The following CREBBP variants were observed in gnomAD, a reference collection of about 807,000 sequenced individuals.
CREBBP encodes CREB-binding protein.
Under a neutral mutation model 265.0 loss-of-function variants are expected in CREBBP, and 19 were observed. That is an observed-to-expected ratio of 0.07 (90% CI 0.05 to 0.11). The LOEUF (loss-of-function observed/expected upper bound fraction) is 0.11, where lower values mean the gene tolerates loss of function less well. Ranked by LOEUF, CREBBP falls within the 10% of genes least tolerant of loss-of-function variation. CREBBP has a pLI of 1.00. For synonymous variants in CREBBP, 1,457 were observed against 1,223.7 expected (o/e 1.19, Z -3.98); for missense variants, 2,525 against 3,219.0 (o/e 0.78, Z 5.22).
intron 10 of CREBBP, 131 bp from the exon 11 acceptor site, chr16:3,777,788 C>A: frequency 8.5e-7 from 1 of 1,169,600 alleles, no homozygotes; most frequent in Non-Finnish European, 1.3e-6. Flanking sequence ...TCCAAAAGCA[C>A]GTGTGTTCCA....
At chr16:3,742,071 ACT>A (rs1249276455) in intron 23 of CREBBP, 4 of 151,418 alleles carry the variant, frequency 2.6e-5, no homozygotes, top group African/African-American at 9.7e-5. Flanking sequence ...ACAGAGCGAG[ACT>A]CTGTCTGCAC....
At chr16:3,823,690 G>A (rs1257419254) in intron 2 of CREBBP, among the ~76,000 whole-genome samples, 1 of 152,164 alleles carries the variant, frequency 6.6e-6, no homozygotes, top group African/African-American at 2.4e-5. Flanking sequence ...AGTTTAGGCA[G>A]CAAGGGATGC....
intron 21 of CREBBP, among the ~76,000 whole-genome samples, chr16:3,747,406 C>A (rs572843108): frequency 6.6e-6 from 1 of 152,226 alleles, no homozygotes; most frequent in Non-Finnish European, 1.5e-5. Flanking sequence ...TTCTTTCATG[C>A]CTTTGTTTCT....
rs894884150 is a variant in CREBBP, at chr16:3,757,478, G to A, written c.3610-102C>T. ...AGAGACTAGTAAATTATTTCTGTTA[G>A]TATATTAGACAGTTTTCTAACAATT... On this transcript the variant is annotated intron_variant, in intron 18 of 30. Coordinates refer to ENST00000262367, the MANE Select transcript of CREBBP (RefSeq NM_004380.3). The A allele has an allele frequency of 1.5e-5, 16 of 1,070,292 alleles. No homozygotes were observed. The African/African-American group carries it at 2.5e-4, about 17-fold the overall frequency. The allele number at this position is 1,070,292 out of a possible 1,614,324, so 66.3% of individuals were successfully genotyped here.
chr16:3,873,384 T>C (rs778486149), intron 1 of CREBBP, among the ~76,000 whole-genome samples: 1 of 152,212 alleles, frequency 6.6e-6, no homozygotes, highest in Non-Finnish European at 1.5e-5. Context: ...ATGGTATAGA[T>C]GACAGAATTC....
chr16:3,748,257 G>C (rs985705221), intron 21 of CREBBP, among the ~76,000 whole-genome samples: 1 of 151,846 alleles, frequency 6.6e-6, no homozygotes, highest in South Asian at 2.1e-4. Flanking sequence ...CAGCCTGGGG[G>C]ACAGAGCAAG....
chr16:3,751,232 C>G (rs2052465573), intron 20 of CREBBP, among the ~76,000 whole-genome samples: 1 of 152,090 alleles, frequency 6.6e-6, no homozygotes, highest in South Asian at 2.1e-4. Context: ...TGTGGTTCAG[C>G]CAAAACACAT....
intron 16 of CREBBP, among the ~76,000 whole-genome samples, chr16:3,759,188 G>A (rs1332816673): frequency 6.6e-6 from 1 of 152,092 alleles, no homozygotes. Flanking sequence ...TACAACACTG[G>A]GAAGTTTGCT....
intron 20 of CREBBP, among the ~76,000 whole-genome samples, chr16:3,750,134 G>C (rs1161861813): frequency 6.6e-6 from 1 of 152,072 alleles, no homozygotes; most frequent in Non-Finnish European, 1.5e-5. Context: ...CTGAGTAGCT[G>C]GGACTACAGG....
intron 1 of CREBBP, among the ~76,000 whole-genome samples, chr16:3,858,487 C>G (rs997286400): frequency 6.6e-6 from 1 of 152,196 alleles, no homozygotes; most frequent in South Asian, 2.1e-4. Context: ...AACAATTTCA[C>G]GTTATAACGT....
rs1356131652 is a variant in CREBBP at position 3,770,577 on chromosome 16, C to G, written c.2873G>C (p.Gly958Ala). The stretch of plus-strand genomic sequence containing the variant: ...AGAGACAGAGAGGCTTACCGGTGTG[C>G]CAGGAGGCTGGGCGTGCACAGGCGT... ...QPTPVHAQPP[G>A]TPLSQAAASI... The change falls in exon 14 of 31, where the codon GGC becomes GCC. Residue 958 changes from glycine to alanine, a missense_variant. By Grantham distance (60) the Gly-to-Ala change is moderately conservative. This residue lies in a region of CREBBP where 548 missense variants were observed against 533.0 expected (regional missense o/e 1.03). Coordinates refer to ENST00000262367, the MANE Select transcript of CREBBP (RefSeq NM_004380.3). The G allele has an allele frequency of 6.2e-7, 1 of 1,613,056 alleles. No homozygotes were observed.
intron 2 of CREBBP, among the ~76,000 whole-genome samples, chr16:3,813,491 A>G (rs1301986255): frequency 6.6e-6 from 1 of 152,344 alleles, no homozygotes; most frequent in African/African-American, 2.4e-5. Flanking sequence ...ATTCCATGGA[A>G]CACTTACTAC....
intron 2 of CREBBP, among the ~76,000 whole-genome samples, chr16:3,849,844 TC>T (rs1451793210): frequency 6.6e-6 from 1 of 152,074 alleles, no homozygotes; most frequent in East Asian, 1.9e-4. Context: ...CCTGTGCTTC[TC>T]CCCGGCTCTG....
In CREBBP at chr16:3,740,510, C is replaced by T. The variant is rs587783488; in HGVS notation, c.4022G>A (p.Arg1341Gln). 6.2e-7 allele frequency: 1 copy of T among 1,614,066 alleles called. No individual in the cohort carries two copies. The highest frequency in any genetic ancestry group is 8.5e-7 in the Non-Finnish European group (1 of 1,180,040). ...CTGGCGCCGCAAAAATTTGTTCACTCGGTCTTCCAAGTGGTTTCCCAGTCT... is the reference window on the plus strand; with the variant it reads ...CTGGCGCCGCAAAAATTTGTTCACTTGGTCTTCCAAGTGGTTTCCCAGTCT... ...TTRLGNHLED[R>Q]VNKFLRRQNH... is the part of the protein sequence containing the mutation. The change falls in exon 24 of 31, where the codon CGA (arginine) becomes CAA (glutamine). Residue 1341 changes from arginine (R) to glutamine (Q), a missense_variant. Arg to Gln is a conservative substitution (Grantham distance 43, BLOSUM62 1). Transcript: ENST00000262367.
intron 2 of CREBBP, among the ~76,000 whole-genome samples, chr16:3,834,930 G>A (rs951389903): frequency 1.3e-5 from 2 of 152,128 alleles, no homozygotes; most frequent in Non-Finnish European, 2.9e-5. Context: ...AGGCCGAGGC[G>A]GGCGGATCAC....
At chr16:3,820,379 T>G (rs912271674) in intron 2 of CREBBP, among the ~76,000 whole-genome samples, 2 of 152,200 alleles carry the variant, frequency 1.3e-5, no homozygotes, top group African/African-American at 4.8e-5. Context: ...AGGGTGCACC[T>G]GGGGCAGGAG....
intron 2 of CREBBP, among the ~76,000 whole-genome samples, chr16:3,844,372 C>T (rs1022255633): frequency 2.6e-5 from 4 of 152,048 alleles, no homozygotes; most frequent in African/African-American, 7.2e-5. Context: ...AAAACCTACA[C>T]AGATAATCTG....
chr16:3,782,368 T>C (rs1463095464), intron 6 of CREBBP, among the ~76,000 whole-genome samples: 2 of 152,218 alleles, frequency 1.3e-5, no homozygotes, highest in African/African-American at 4.8e-5. Flanking sequence ...ACAGTCAGCA[T>C]GAGGCGTCCA....
intron 11 of CREBBP, among the ~76,000 whole-genome samples, chr16:3,775,933 T>C (rs1050025057): frequency 3.0e-5 from 4 of 134,780 alleles, no homozygotes; most frequent in African/African-American, 1.1e-4. Context: ...TTTTTTTTTT[T>C]GAGATGAGAT....
Sources: gnomAD v4.1 joint callset for allele counts (sites outside exome capture counted in the v4.1 genomes callset) on GRCh38, gnomAD v4.1.1 for gene constraint, gnomAD v4.1.1 regional missense constraint, MANE v1.5 for transcripts, NCBI Gene and HGNC (gene_info 2026-07-23, HGNC 2026-07-21) for gene names.